The following TUSC3 variants were observed in gnomAD, a reference collection of about 807,000 sequenced individuals.
TUSC3 encodes dolichyl-diphosphooligosaccharide--protein glycosyltransferase subunit TUSC3.
A neutral mutation model predicts 44.8 loss-of-function variants in TUSC3; 45 were observed. The observed-to-expected ratio is 1.00, with a 90% CI of 0.79 to 1.29. The LOEUF (loss-of-function observed/expected upper bound fraction) is 1.29. Ranked by LOEUF, TUSC3 falls within the 50% of genes most tolerant of loss-of-function variation. The probability of loss-of-function intolerance (pLI) is 0.00; values close to 1 mark genes in which losing one functional copy is unlikely to be tolerated. For synonymous variants in TUSC3, 212 were observed against 152.9 expected (o/e 1.39, Z -2.85); for missense variants, 519 against 437.9 (o/e 1.19, Z -1.65).
At position 15,523,656 on chromosome 8, in the gene TUSC3, ATATATATATGTGTGTGTG is replaced by A. The variant is rs1270961845; in HGVS notation, n.189+40175_189+40192del. Among the ~76,000 whole-genome samples the A allele has an allele frequency of 5.2e-3, 485 of 93,476 alleles. 23 individuals carry two copies. Among genetic ancestry groups the A allele is most frequent in the South Asian group, 0.024 (59 of 2,414 alleles). The allele number at this position is 93,476 out of a possible 152,430, so 61.3% of individuals were successfully genotyped here. Reference sequence around the variant, plus strand: ...TTTAAAAACATATATATATATATATATATATATATGTGTGTGTGTGTGTGTGTGTGTGTGTGTGTGTGT... The same window carrying A: ...TTTAAAAACATATATATATATATATATGTGTGTGTGTGTGTGTGTGTGTGT... On this transcript the variant is annotated intron_variant and non_coding_transcript_variant, in intron 2 of 5. Coordinates refer to the TUSC3 transcript ENST00000503191.
At chr8:15,683,557 T>C (rs1808507995) in intron 6 of TUSC3, among the ~76,000 whole-genome samples, 1 of 152,126 alleles carries the variant, frequency 6.6e-6, no homozygotes, top group Admixed American at 6.6e-5. Flanking sequence ...TTTTCTGACT[T>C]CCTTGGATTG....
intron 6 of TUSC3, among the ~76,000 whole-genome samples, chr8:15,680,096 T>G (rs1339741019): frequency 1.4e-5 from 2 of 142,688 alleles, no homozygotes; most frequent in Non-Finnish European, 3.2e-5. Context: ...AATTTTAGAA[T>G]AGCTTTTTTT....
chr8:15,516,896 G>A (rs1801223460), intron 2 of TUSC3, among the ~76,000 whole-genome samples: 1 of 152,128 alleles, frequency 6.6e-6, no homozygotes. Context: ...TTATTTCCGT[G>A]TAATTTTAAG....
chr8:15,651,421 A>ATAAGTTGAATTGT (rs1806899012), intron 3 of TUSC3, among the ~76,000 whole-genome samples: 1 of 152,208 alleles, frequency 6.6e-6, no homozygotes, highest in Admixed American at 6.5e-5. Flanking sequence ...GTATTTCCCC[A>ATAAGTTGAATTGT]AATTCATAAG....
the TUSC3 span, among the ~76,000 whole-genome samples, chr8:15,849,816 A>G: frequency 6.6e-6 from 1 of 152,166 alleles, no homozygotes; most frequent in Non-Finnish European, 1.5e-5. Flanking sequence ...CTACAAAAAA[A>G]AAAAGCAAAG....
intron 1 of TUSC3, among the ~76,000 whole-genome samples, chr8:15,477,647 G>C (rs540867656): frequency 1.4e-3 from 216 of 152,212 alleles, no homozygotes; most frequent in Non-Finnish European, 2.8e-3. Context: ...GCGTGAACCA[G>C]GGAGGCAGAG....
the TUSC3 span, among the ~76,000 whole-genome samples, chr8:15,807,437 T>C: frequency 6.6e-6 from 1 of 152,104 alleles, no homozygotes; most frequent in Non-Finnish European, 1.5e-5. Flanking sequence ...TCAGCCACTG[T>C]GGAAAGCAAA....
chr8:15,789,877 C>A, the TUSC3 span, among the ~76,000 whole-genome samples: 1 of 152,110 alleles, frequency 6.6e-6, no homozygotes, highest in Non-Finnish European at 1.5e-5. Context: ...CAGACACGCC[C>A]CTAAATTGGG....
At position 15,467,645 on chromosome 8, in the gene TUSC3, T is replaced by C. The variant is rs533048868; in HGVS notation, n.92-15741T>C. Among the ~76,000 whole-genome samples, 7 of 152,300 alleles carry C rather than the reference T, an allele frequency of 4.6e-5. No homozygotes were observed. The South Asian group carries it at 1.0e-3, about 23-fold the overall frequency. On this transcript the variant is annotated intron_variant and non_coding_transcript_variant, in intron 1 of 5. Transcript: ENST00000503191. ...ATTTGGTTTCTATTGGAAACTGCTG[T>C]CCATGTGGCAAACTCCACCAAAATC... is the stretch of plus-strand genomic sequence containing the variant.
At chr8:15,818,368 T>C in the TUSC3 span, among the ~76,000 whole-genome samples, 1 of 152,200 alleles carries the variant, frequency 6.6e-6, no homozygotes, top group African/African-American at 2.4e-5. Flanking sequence ...AGCTGACTTT[T>C]CTGTATAAAT....
At chr8:15,486,955 T>G (rs1800740536) in intron 2 of TUSC3, among the ~76,000 whole-genome samples, 1 of 152,204 alleles carries the variant, frequency 6.6e-6, no homozygotes, top group Non-Finnish European at 1.5e-5. Flanking sequence ...ATATAACCGT[T>G]AGTTGATTCA....
chr8:15,457,109 T>C (rs537635077), intron 1 of TUSC3, among the ~76,000 whole-genome samples: 341 of 132,154 alleles, frequency 2.6e-3, no homozygotes, highest in Non-Finnish European at 4.3e-3. Context: ...TAGGTGGGAA[T>C]TGAACAATGA....
the TUSC3 span, among the ~76,000 whole-genome samples, chr8:15,783,782 T>C: frequency 1.3e-5 from 2 of 152,136 alleles, no homozygotes; most frequent in African/African-American, 4.8e-5. Flanking sequence ...AAAAGCTTCA[T>C]GGCATTGGTC....
intron 2 of TUSC3, among the ~76,000 whole-genome samples, chr8:15,510,027 G>T (rs1801111144): frequency 1.3e-5 from 2 of 152,048 alleles, no homozygotes; most frequent in Admixed American, 1.3e-4. Context: ...AAGAAAAATA[G>T]CGAGCCATGG....
At chr8:15,743,802 A>G (rs1323728754) in intron 8 of TUSC3, among the ~76,000 whole-genome samples, 190 bp downstream of exon 8, 3 of 152,008 alleles carry the variant, frequency 2.0e-5, no homozygotes, top group Non-Finnish European at 2.9e-5. Context: ...TCCAAAGGGG[A>G]CTGGGTCGTT....
chr8:15,736,155 C>T (rs1171534758), intron 7 of TUSC3, among the ~76,000 whole-genome samples: 1 of 152,112 alleles, frequency 6.6e-6, no homozygotes, highest in Non-Finnish European at 1.5e-5. Context: ...GTGCTTTGTG[C>T]TGAGATACAA....
chr8:15,702,007 G>T (rs776620427), intron 6 of TUSC3, among the ~76,000 whole-genome samples: 1 of 152,126 alleles, frequency 6.6e-6, no homozygotes, highest in Non-Finnish European at 1.5e-5. Context: ...ATAAGAGGTT[G>T]TTGATGAATT....
At chr8:15,524,327 A>G (rs923913687) in intron 2 of TUSC3, among the ~76,000 whole-genome samples, 1 of 152,184 alleles carries the variant, frequency 6.6e-6, no homozygotes, top group Non-Finnish European at 1.5e-5. Flanking sequence ...ATAATTTGGG[A>G]TAATTCATAG....
At chr8:15,432,445 A>G (rs1799883896) in intron 1 of TUSC3, among the ~76,000 whole-genome samples, 2 of 152,090 alleles carry the variant, frequency 1.3e-5, no homozygotes, top group East Asian at 3.9e-4. Context: ...GAGCACTTAT[A>G]TTATTCATAG....
Sources: gnomAD v4.1 joint callset for allele counts (sites outside exome capture counted in the v4.1 genomes callset) on GRCh38, gnomAD v4.1.1 for gene constraint, MANE v1.5 for transcripts, NCBI Gene and HGNC (gene_info 2026-07-23, HGNC 2026-07-21) for gene names.